Variants in ZNF69 observed in about 807,000 individuals in gnomAD.
ZNF69 encodes zinc finger protein 69.
ZNF69 carries 47 observed loss-of-function variants against 50.9 expected under a neutral mutation model. The ratio of observed to expected loss-of-function variants is 0.92; its 90% confidence interval spans 0.73 to 1.18. The LOEUF is 1.18. Ranked by LOEUF, ZNF69 falls within the 50% of genes most tolerant of loss-of-function variation. The pLI, the probability that ZNF69 is intolerant of heterozygous loss-of-function variation, is 0.00. For missense variants in ZNF69, 717 were observed against 675.1 expected (o/e 1.06, Z -0.69); for synonymous variants, 216 against 223.1 (o/e 0.97, Z 0.29).
chr19:11,977,573 A>AT, the ZNF69 span: 19,645 of 1,124,464 alleles, frequency 0.017, 218 homozygotes, highest in African/African-American at 0.026. Flanking sequence ...ATATATTTAC[A>AT]TGTGACTAAG....
the ZNF69 span, among the ~76,000 whole-genome samples, chr19:11,977,601 G>A: frequency 6.6e-6 from 1 of 152,214 alleles, no homozygotes; most frequent in African/African-American, 2.4e-5. Flanking sequence ...GCTCACTCCT[G>A]TAATCCCAAT....
chr19:11,952,089 C>T, the ZNF69 span, among the ~76,000 whole-genome samples: 24 of 152,138 alleles, frequency 1.6e-4, no homozygotes, highest in Middle Eastern at 3.4e-3. Flanking sequence ...ACAGGAGAAT[C>T]GCTTGAATCT....
intron 1 of ZNF69, among the ~76,000 whole-genome samples, chr19:11,900,185 C>G (rs1246358312): frequency 6.6e-6 from 1 of 151,126 alleles, no homozygotes; most frequent in Non-Finnish European, 1.5e-5. Context: ...AACTTTTGAC[C>G]TCAGGTGATC....
chr19:11,974,075 TTC>T, the ZNF69 span, among the ~76,000 whole-genome samples: 21 of 66,168 alleles, frequency 3.2e-4, no homozygotes, highest in Non-Finnish European at 5.5e-4. Flanking sequence ...TTTCTTTTCT[TTC>T]TTTCTTTCTT....
the ZNF69 span, among the ~76,000 whole-genome samples, chr19:11,920,268 T>G: frequency 6.6e-6 from 1 of 152,016 alleles, no homozygotes; most frequent in African/African-American, 2.4e-5. Context: ...TGCACTACCA[T>G]GTCCGGATAA....
the ZNF69 span, among the ~76,000 whole-genome samples, chr19:11,939,485 C>T: frequency 3.1e-4 from 47 of 152,252 alleles, no homozygotes; most frequent in African/African-American, 1.1e-3. Flanking sequence ...AATAGGGAAT[C>T]GTTTCCCCAT....
downstream of ZNF69, among the ~76,000 whole-genome samples, chr19:11,907,772 CA>C (rs1238561861): frequency 3.9e-5 from 6 of 152,254 alleles, no homozygotes; most frequent in African/African-American, 1.2e-4. Flanking sequence ...AACTAACGAG[CA>C]AAATAACCAG....
the ZNF69 span, among the ~76,000 whole-genome samples, chr19:11,970,007 T>C: frequency 6.6e-6 from 1 of 152,206 alleles, no homozygotes; most frequent in Non-Finnish European, 1.5e-5. Context: ...TCATGGGTAT[T>C]AGTGCCTTAG....
chr19:11,896,203 G>A, intron 1 of ZNF69, among the ~76,000 whole-genome samples: 1 of 132,198 alleles, frequency 7.6e-6, no homozygotes. Flanking sequence ...TTGGCAACAA[G>A]GGCGAAACTC....
the ZNF69 span, among the ~76,000 whole-genome samples, chr19:11,967,703 C>A: frequency 6.6e-6 from 1 of 152,074 alleles, no homozygotes; most frequent in African/African-American, 2.4e-5. Flanking sequence ...ATGTCCGGCC[C>A]CTGTCTCTAT....
At position 11,905,666 on chromosome 19, in the gene ZNF69, G is replaced by C; in HGVS notation, c.1269G>C (p.Lys423Asn). ...CCTATGAGTGTAAGCAATGTGGGAA[G>C]GCCTTCAGATCTTCCTCACACCTTC... ...EKPYECKQCG[K>N]AFRSSSHLQL... Residue 423 changes from lysine to asparagine, a missense_variant, in exon 4 of 4, where the codon AAG becomes AAC. Transcript: ENST00000429654. 6.2e-7 allele frequency: 1 copy of C among 1,610,234 alleles called. No homozygotes were observed. The highest frequency in any genetic ancestry group is 8.5e-7 in the Non-Finnish European group (1 of 1,178,848).
the ZNF69 span, among the ~76,000 whole-genome samples, chr19:11,975,737 C>G: frequency 6.6e-6 from 1 of 152,152 alleles, no homozygotes; most frequent in African/African-American, 2.4e-5. Context: ...TGTATGCTTA[C>G]TACATTTTGT....
chr19:11,944,957 A>G, the ZNF69 span, among the ~76,000 whole-genome samples: 1 of 152,236 alleles, frequency 6.6e-6, no homozygotes, highest in Non-Finnish European at 1.5e-5. Flanking sequence ...CAGTAACCAC[A>G]TCCATCCTTC....
At chr19:11,891,912 G>C (rs1312301898) in intron 1 of ZNF69, among the ~76,000 whole-genome samples, 1 of 152,116 alleles carries the variant, frequency 6.6e-6, no homozygotes, top group Non-Finnish European at 1.5e-5. Context: ...CTTGTATAGG[G>C]AAAAGGCAAA....
chr19:11,957,298 G>A, the ZNF69 span, among the ~76,000 whole-genome samples: 1 of 151,530 alleles, frequency 6.6e-6, no homozygotes, highest in South Asian at 2.1e-4. Context: ...GTTTCACCAT[G>A]TTAGCCAGGA....
At chr19:11,979,714 G>A in the ZNF69 span, 1 of 1,598,456 alleles carries the variant, frequency 6.3e-7, no homozygotes, top group Non-Finnish European at 8.6e-7. Flanking sequence ...AGCCCTACGA[G>A]TGTAAGCAAT....
At chr19:11,897,646 G>A (rs2145222458) in intron 1 of ZNF69, among the ~76,000 whole-genome samples, 2 of 151,446 alleles carry the variant, frequency 1.3e-5, no homozygotes, top group East Asian at 3.9e-4. Context: ...GCCGAGGCGG[G>A]TGGATCACAA....
the ZNF69 span, chr19:11,939,936 T>C: frequency 4.0e-5 from 6 of 151,556 alleles, no homozygotes; most frequent in Admixed American, 6.6e-5. Flanking sequence ...TGTTGTAGTA[T>C]GTAACAAGAC....
chr19:11,954,043 AG>A, the ZNF69 span, among the ~76,000 whole-genome samples: 1 of 152,218 alleles, frequency 6.6e-6, no homozygotes. Context: ...TTATAAAACA[AG>A]GTGAAAAAAC....
Sources: allele counts gnomAD v4.1 joint callset (sites outside exome capture counted in the v4.1 genomes callset), GRCh38; gene constraint gnomAD v4.1.1; transcripts MANE v1.5; gene names NCBI Gene and HGNC (gene_info 2026-07-23, HGNC 2026-07-21).